Variants in ADAR observed in about 807,000 individuals in gnomAD.
ADAR encodes the protein adenosine deaminase RNA specific.
Under a neutral mutation model 113.2 loss-of-function variants are expected in ADAR, and 41 were observed. The ratio of observed to expected loss-of-function variants is 0.36; its 90% CI spans 0.28 to 0.47. The LOEUF is 0.47. Among genes scored for constraint, ADAR ranks in the 20% least tolerant of loss-of-function variants. The pLI is 1.00. For missense variants in ADAR, 1,242 were observed against 1,540.9 expected (o/e 0.81, Z 3.25); for synonymous variants, 605 against 572.6 (o/e 1.06, Z -0.81).
chr1:154,606,205 C>A (rs1014481485), intron 1 of ADAR, among the ~76,000 whole-genome samples: 21 of 152,140 alleles, frequency 1.4e-4, no homozygotes, highest in African/African-American at 3.6e-4. Context: ...CCACACCCAG[C>A]TAATTTTTGT....
intron 7 of ADAR, 43 bp downstream of exon 7, chr1:154,590,141 A>AGGGG: frequency 1.3e-6 from 1 of 760,852 alleles, no homozygotes; most frequent in Non-Finnish European, 2.2e-6. Context: ...AGTTAGGAGG[A>AGGGG]CCCCCCCGCC....
At chr1:154,587,965 C>G (rs1427820960) in intron 11 of ADAR, among the ~76,000 whole-genome samples, 160 bp downstream of exon 11, 1 of 152,206 alleles carries the variant, frequency 6.6e-6, no homozygotes, top group Admixed American at 6.5e-5. Flanking sequence ...GAACCCTGAT[C>G]TTACCACACA....
intron 1 of ADAR, among the ~76,000 whole-genome samples, chr1:154,602,972 C>A (rs548663219): frequency 1.3e-5 from 2 of 152,284 alleles, no homozygotes; most frequent in Admixed American, 6.5e-5. Context: ...AAAACAATTA[C>A]CCCTTTAAAA....
At chr1:154,626,404 T>G (rs2101708558) in intron 1 of ADAR, among the ~76,000 whole-genome samples, 1 of 151,864 alleles carries the variant, frequency 6.6e-6, no homozygotes, top group South Asian at 2.1e-4. Context: ...CATGAGCCAC[T>G]GCACCCGGCC....
chr1:154,622,825 A>T (rs1258799514), intron 1 of ADAR, among the ~76,000 whole-genome samples: 2 of 152,234 alleles, frequency 1.3e-5, no homozygotes, highest in African/African-American at 4.8e-5. Context: ...TTCATTTAAT[A>T]AACATTTACT....
At chr1:154,594,555 T>C (rs1697375476) in intron 6 of ADAR, among the ~76,000 whole-genome samples, 1 of 152,152 alleles carries the variant, frequency 6.6e-6, no homozygotes, top group Non-Finnish European at 1.5e-5. Context: ...TCCCAAAGTG[T>C]TGGGTAGCAT....
intron 6 of ADAR, among the ~76,000 whole-genome samples, chr1:154,592,559 A>G (rs1164356163): frequency 6.6e-6 from 1 of 152,160 alleles, no homozygotes; most frequent in African/African-American, 2.4e-5. Flanking sequence ...GGGATTTGGG[A>G]TAGAAATTCT....
chr1:154,609,440 C>G (rs985769604), upstream of ADAR, among the ~76,000 whole-genome samples: 1 of 152,246 alleles, frequency 6.6e-6, no homozygotes, highest in Admixed American at 6.5e-5. Context: ...GTATCTCCAG[C>G]TGATGCCCTT....
chr1:154,597,474 T>TA (rs532109815), intron 4 of ADAR, among the ~76,000 whole-genome samples: 1 of 152,130 alleles, frequency 6.6e-6, no homozygotes, highest in Non-Finnish European at 1.5e-5. Flanking sequence ...AGCATCAACC[T>TA]AGTTTCACCT....
chr1:154,626,122 G>GTT (rs200091076), intron 1 of ADAR, among the ~76,000 whole-genome samples: 3,190 of 137,992 alleles, frequency 0.023, 48 homozygotes, highest in Non-Finnish European at 0.025. Context: ...AATAAAGTGA[G>GTT]TTTTTTTTTT....
At chr1:154,602,960 C>T (rs1697983710) in intron 1 of ADAR, among the ~76,000 whole-genome samples, 1 of 152,124 alleles carries the variant, frequency 6.6e-6, no homozygotes, top group African/African-American at 2.4e-5. Context: ...TTTCTAGTTA[C>T]CAAAACAATT....
At chr1:154,607,920 C>T in intron 1 of ADAR, 72 bp downstream of exon 1, 1 of 1,604,540 alleles carries the variant, frequency 6.2e-7, no homozygotes, top group Non-Finnish European at 8.5e-7. Context: ...ACGCTACGCA[C>T]TGCAACACAA....
chr1:154,610,824 G>GAAAAAAAAAAAAAA (rs1298389364), upstream of ADAR, among the ~76,000 whole-genome samples: 1 of 65,202 alleles, frequency 1.5e-5, no homozygotes, highest in African/African-American at 6.6e-5. Flanking sequence ...AAAAAAAAAA[G>GAAAAAAAAAAAAAA]AAAAAAAAAA....
At chr1:154,600,506 CT>C in intron 2 of ADAR, 1 of 166,968 alleles carries the variant, frequency 6.0e-6, no homozygotes, top group East Asian at 1.6e-4. Context: ...TGGAGTCTTG[CT>C]CTGTGGCCCA....
rs1266840077 is a variant in ADAR, at chr1:154,590,381, G to A, written c.2299C>T (p.Arg767Cys). The change falls in exon 7 of 15, where the codon CGC becomes TGC. Residue 767 changes from arginine to cysteine, a missense_variant. This residue lies in a region of ADAR where 780 missense variants were observed against 1,057.9 expected (regional missense o/e 0.74). Transcript: ENST00000368474. ...TGTGCGCAGACGGCTGGGAACCAGC[G>A]ACCCCCAACTTTTGCTTGGTAAACG... ...KFVYQAKVGGRWFPAVCAHSK... is the reference protein window; with the variant it reads ...KFVYQAKVGGCWFPAVCAHSK... The A allele has an allele frequency of 6.2e-7, 1 of 1,614,040 alleles. No homozygotes were observed. The highest frequency in any genetic ancestry group is 8.5e-7 in the Non-Finnish European group (1 of 1,180,018).
chr1:154,604,545 T>C (rs993780850), intron 1 of ADAR, among the ~76,000 whole-genome samples: 2 of 152,236 alleles, frequency 1.3e-5, no homozygotes, highest in Admixed American at 1.3e-4. Context: ...GGGTCTTCGC[T>C]GTGTGGTGGT....
chr1:154,604,091 G>C (rs1453677312), intron 1 of ADAR, among the ~76,000 whole-genome samples: 1 of 152,182 alleles, frequency 6.6e-6, no homozygotes, highest in African/African-American at 2.4e-5. Context: ...TCCAGTGGCT[G>C]ATAAACTTTT....
rs1282671198 is a variant in ADAR, at chr1:154,608,165, G to C, written c.-159C>G. ...GGGAAACTCCGCGGGTCTGCGCGCCGGGCCCAAGATGGCTCCGGTTCAATT... is the reference window on the plus strand; with the variant it reads ...GGGAAACTCCGCGGGTCTGCGCGCCCGGCCCAAGATGGCTCCGGTTCAATT... On this transcript the variant is annotated 5_prime_UTR_variant, in exon 1 of 15. Transcript: ENST00000368474. 2.0e-5 allele frequency: 18 copies of C among 888,850 alleles called. 1 individual carries two copies. Among genetic ancestry groups the C allele is most frequent in the Middle Eastern group, 3.5e-4 (1 of 2,846 alleles). 55.1% of individuals were successfully genotyped at this position (888,850 alleles called of 1,614,324 possible). A position where few individuals can be genotyped will look rare whatever the true frequency, so the allele number is the denominator to read the frequency against.
At chr1:154,608,367 T>C (rs911109942), upstream of ADAR, among the ~76,000 whole-genome samples, 76 of 151,792 alleles carry the variant, frequency 5.0e-4, no homozygotes, top group African/African-American at 1.7e-3. Context: ...TCGCTCTTTT[T>C]GCCCAGGCTG....
Sources: gnomAD v4.1 joint callset for allele counts (sites outside exome capture counted in the v4.1 genomes callset) on GRCh38, gnomAD v4.1.1 for gene constraint, gnomAD v4.1.1 regional missense constraint, MANE v1.5 for transcripts, NCBI Gene and HGNC (gene_info 2026-07-23, HGNC 2026-07-21) for gene names.